MTCH1: variants seen among roughly 807,000 people sequenced by gnomAD.
MTCH1 encodes mitochondrial carrier homolog 1.
A neutral mutation model predicts 49.3 loss-of-function variants in MTCH1; 23 were observed. The observed-to-expected ratio is 0.47, with a 90% CI of 0.34 to 0.66. The LOEUF (loss-of-function observed/expected upper bound fraction) is 0.66, where lower values mean the gene tolerates loss of function less well. MTCH1 is among the 30% of genes least tolerant of loss of function. The pLI, the probability that MTCH1 is intolerant of heterozygous loss-of-function variation, is 0.01. For synonymous variants in MTCH1, 229 were observed against 215.2 expected (o/e 1.06, Z -0.56); for missense variants, 397 against 532.1 (o/e 0.75, Z 2.50).
rs370407021 is a variant in MTCH1, at chr6:36,985,844, G to A, written c.321+9C>T. On this transcript the variant is annotated intron_variant, in intron 1 of 11. Transcript: ENST00000373627. ...CTCCCATCTCCCTACGGCGCCTCTG[G>A]TCCCCCACCTGGATGAGCAGCTTCA... 2.0e-4 allele frequency: 305 copies of A among 1,552,928 alleles called. No individual in the cohort carries two copies. Among genetic ancestry groups the A allele is most frequent in the Non-Finnish European group, 2.6e-4 (300 of 1,148,322 alleles).
At chr6:36,979,228 T>C (rs1221099453) in intron 2 of MTCH1, among the ~76,000 whole-genome samples, 2 of 152,140 alleles carry the variant, frequency 1.3e-5, no homozygotes, top group Admixed American at 1.3e-4. Flanking sequence ...AACAAGTCTA[T>C]GGAGAAGTAA....
At chr6:36,969,952 G>T (rs753657007) in intron 11 of MTCH1, 87 bp downstream of exon 11, 2 of 1,567,228 alleles carry the variant, frequency 1.3e-6, no homozygotes, top group South Asian at 2.3e-5. Flanking sequence ...ACTTATCTTT[G>T]CATGCAATGA....
intron 1 of MTCH1, among the ~76,000 whole-genome samples, chr6:36,984,585 A>G (rs573337131): frequency 2.0e-5 from 3 of 152,054 alleles, no homozygotes; most frequent in African/African-American, 7.2e-5. Flanking sequence ...TGGGTCTCCA[A>G]TTCAATTTTT....
chr6:36,979,441 A>G (rs983702332), intron 2 of MTCH1, among the ~76,000 whole-genome samples: 1 of 152,236 alleles, frequency 6.6e-6, no homozygotes, highest in Non-Finnish European at 1.5e-5. Flanking sequence ...AAGCTAGCAG[A>G]ACATTCTCTC....
intron 7 of MTCH1, among the ~76,000 whole-genome samples, chr6:36,973,981 C>A (rs757458995): frequency 2.0e-5 from 3 of 152,226 alleles, no homozygotes; most frequent in Non-Finnish European, 4.4e-5. Context: ...AAAGCACAGA[C>A]AGAACCCAGA....
intron 1 of MTCH1, among the ~76,000 whole-genome samples, chr6:36,985,132 A>G (rs545278128): frequency 4.5e-4 from 59 of 129,850 alleles, no homozygotes; most frequent in Non-Finnish European, 8.5e-4. Flanking sequence ...CGTCGTCGCC[A>G]TCAAATCCAG....
chr6:36,971,491 C>A (rs1175639187), intron 8 of MTCH1, among the ~76,000 whole-genome samples: 1 of 152,064 alleles, frequency 6.6e-6, no homozygotes, highest in African/African-American at 2.4e-5. Context: ...CTTACCCACC[C>A]ACAAGGCCCC....
At chr6:36,983,931 A>T (rs79531340) in intron 1 of MTCH1, among the ~76,000 whole-genome samples, 21,989 of 152,166 alleles carry the variant, frequency 0.14, 1,810 homozygotes, top group Admixed American at 0.21. Context: ...CTGGTCCTTC[A>T]ACAGGGCTCA....
chr6:36,985,674 T>G (rs1764275722), intron 1 of MTCH1, among the ~76,000 whole-genome samples, 179 bp downstream of exon 1: 1 of 151,994 alleles, frequency 6.6e-6, no homozygotes, highest in East Asian at 1.9e-4. Flanking sequence ...CCGTGACCCC[T>G]GCGTTCCCAA....
At chr6:36,978,240 C>A in intron 3 of MTCH1, 85 bp from the exon 4 acceptor site, 1 of 1,226,004 alleles carries the variant, frequency 8.2e-7, no homozygotes, top group Non-Finnish European at 1.2e-6. Context: ...GAACCAGCTC[C>A]AAATATTTCC....
chr6:36,969,818 T>A (rs1763607994), intron 11 of MTCH1: 4 of 1,500,144 alleles, frequency 2.7e-6, no homozygotes, highest in Non-Finnish European at 3.6e-6. Flanking sequence ...TCTTGTCTGA[T>A]GTATAATCTT....
intron 2 of MTCH1, among the ~76,000 whole-genome samples, chr6:36,980,551 T>C (rs1764049087): frequency 6.6e-6 from 1 of 152,222 alleles, no homozygotes; most frequent in Non-Finnish European, 1.5e-5. Flanking sequence ...CACCTGGCCC[T>C]AGACTCTGCA....
In MTCH1 at chr6:36,977,583, C is replaced by G; in HGVS notation, c.649+51G>C. 7.3e-7 allele frequency: 1 copy of G among 1,361,898 alleles called. No homozygotes were observed. Among genetic ancestry groups the G allele is most frequent in the Non-Finnish European group, 1.0e-6 (1 of 970,994 alleles). 84.4% of individuals were successfully genotyped at this position (1,361,898 alleles called of 1,614,324 possible). A position where few individuals can be genotyped will look rare whatever the true frequency, so the allele number is the denominator to read the frequency against. ...CCACGAGGGGGCGCCCCTCACCCCA[C>G]GCCCCCGACGCCAGCTTAGATACAG... On this transcript the variant is annotated intron_variant, in intron 5 of 11. Transcript: ENST00000373627. This position sits in a 1 kb window ranked among gnomAD's most constrained non-coding sequence, Gnocchi z 5.4.
In MTCH1 at chr6:36,977,200, T is replaced by C. The variant is rs1324005791; in HGVS notation, c.700A>G (p.Ser234Gly). The C allele has an allele frequency of 1.9e-6, 3 of 1,613,800 alleles. No homozygotes were observed. Among genetic ancestry groups the C allele is most frequent in the Non-Finnish European group, 2.5e-6 (3 of 1,179,964 alleles). The change falls in exon 6 of 12, where the codon AGT (serine) becomes GGT (glycine). Residue 234 changes from serine (S) to glycine (G), a missense_variant and splice_region_variant. Around this residue, in one of 2 missense-constraint regions of MTCH1, gnomAD observed 252 missense variants for 388.3 expected, o/e 0.65. Coordinates refer to ENST00000373627, the MANE Select transcript of MTCH1 (RefSeq NM_001271641.2). This position sits in a 1 kb window ranked among gnomAD's most constrained non-coding sequence, Gnocchi z 5.4. ...VQFVGREAKY[S>G]GVLSSIGKIF... ...CTGCCAGTCCCAAGAGTTACCCACC[T>C]GTACTTGGCCTCCCGTCCCACAAAC...
In MTCH1 at chr6:36,981,695, G is replaced by C. The variant is rs149538273; in HGVS notation, c.322-23C>G. On this transcript the variant is annotated intron_variant, in intron 1 of 11. Coordinates refer to ENST00000373627, the MANE Select transcript of MTCH1 (RefSeq NM_001271641.2). ...CACCTTCAGAATTAACAAAGACAAA[G>C]GGACGCTCAGAGTCTCGTGGTGATT... is the stretch of plus-strand genomic sequence containing the variant. 2,387 of 1,602,206 alleles carry C rather than the reference G, an allele frequency of 1.5e-3. 5 individuals are homozygous for C. Among genetic ancestry groups the C allele is most frequent in the Non-Finnish European group, 1.4e-3 (1,641 of 1,173,222 alleles).
Position 36,974,202 on chromosome 6 carries a change from AT to A in MTCH1, c.762-1407del, listed in dbSNP as rs530306531. 1.1e-4 allele frequency among the ~76,000 whole-genome samples: 16 copies of A among 150,212 alleles called. No homozygotes were observed. The East Asian group carries it at 2.7e-3, about 26-fold the overall frequency. On this transcript the variant is annotated intron_variant, in intron 7 of 11. Transcript: ENST00000373627. ...CACTATTGACATTTTGGGCTGAATA[AT>A]TTTTTTTTTCCCCAAGAGACAGGGT... is the stretch of plus-strand genomic sequence containing the variant.
intron 1 of MTCH1, among the ~76,000 whole-genome samples, chr6:36,985,248 T>C (rs1404429549): frequency 6.6e-6 from 1 of 152,140 alleles, no homozygotes; most frequent in Non-Finnish European, 1.5e-5. Context: ...CCGTCTCCTC[T>C]GTCCACCCCC....
Position 36,982,440 on chromosome 6 carries a change from G to A in MTCH1, c.322-768C>T, listed in dbSNP as rs1015066537. Reference sequence around the variant, plus strand: ...GTTGCCCAGGATGGAGTGCAATGGCGTGCTCTCAGCTCACCGCAACCTCCA... The same window carrying A: ...GTTGCCCAGGATGGAGTGCAATGGCATGCTCTCAGCTCACCGCAACCTCCA... On this transcript the variant is annotated intron_variant, in intron 1 of 11. Coordinates refer to ENST00000373627, the MANE Select transcript of MTCH1 (RefSeq NM_001271641.2). The surrounding 1 kb of genome is among the most constrained non-coding windows in gnomAD (Gnocchi z 4.1). Among the ~76,000 whole-genome samples, 4 of 151,500 alleles carry A rather than the reference G, an allele frequency of 2.6e-5. No individual in the cohort carries two copies. Among genetic ancestry groups the A allele is most frequent in the African/African-American group, 7.3e-5 (3 of 41,126 alleles).
chr6:36,978,519 C>T lies in MTCH1; in HGVS notation c.499G>A (p.Gly167Ser), dbSNP rs1464725459. 1.2e-6 allele frequency: 2 copies of T among 1,614,094 alleles called. No individual in the cohort carries two copies. Among genetic ancestry groups the T allele is most frequent in the Middle Eastern group, 1.6e-4 (1 of 6,062 alleles). The change falls in exon 3 of 12, where the codon GGT (glycine) becomes AGT (serine). Residue 167 changes from glycine (G) to serine (S), a missense_variant. Gly to Ser is a moderately conservative substitution (Grantham distance 56). Transcript: ENST00000373627. Reference protein sequence around the residue: ...MSNALSTVTRGSMKKVFPPDE... With the variant: ...MSNALSTVTRSSMKKVFPPDE... ...TGTGGGCTCACCTTCTTCATGCTAC[C>T]CCGAGTCACAGTAGAGAGGGCGTTG... is the stretch of plus-strand genomic sequence containing the variant.
Sources: gnomAD v4.1 joint callset for allele counts (sites outside exome capture counted in the v4.1 genomes callset) on GRCh38, gnomAD v4.1.1 for gene constraint, gnomAD v4.1.1 regional missense constraint, Gnocchi (gnomAD v3.1) non-coding constraint, MANE v1.5 for transcripts, NCBI Gene and HGNC (gene_info 2026-07-23, HGNC 2026-07-21) for gene names.